NOL10: variants seen among roughly 807,000 people sequenced by gnomAD.
NOL10 encodes nucleolar protein 10, also known as H_NH0074G24.1.
NOL10 carries 58 observed loss-of-function variants against 103.5 expected under a neutral mutation model. The observed-to-expected ratio is 0.56, with a 90% CI of 0.45 to 0.70. The LOEUF is 0.70. Ranked by LOEUF, NOL10 falls within the 30% of genes least tolerant of loss-of-function variation. NOL10 has a pLI of 0.00. For synonymous variants in NOL10, 287 were observed against 282.5 expected (o/e 1.02, Z -0.16); for missense variants, 763 against 807.3 (o/e 0.95, Z 0.67).
At chr2:10,673,367 A>G (rs1681078679) in intron 5 of NOL10, 153 bp downstream of exon 5, 1 of 456,924 alleles carries the variant, frequency 2.2e-6, no homozygotes, top group South Asian at 6.9e-5. Flanking sequence ...GATGGGTTAC[A>G]TTTTACTACA....
At chr2:10,658,072 A>G (rs1299248040) in intron 10 of NOL10, among the ~76,000 whole-genome samples, 181 bp from the exon 11 acceptor site, 6 of 152,252 alleles carry the variant, frequency 3.9e-5, no homozygotes, top group Non-Finnish European at 8.8e-5. Context: ...TAATCCTTAG[A>G]GTATACATTT....
intron 13 of NOL10, among the ~76,000 whole-genome samples, chr2:10,615,468 G>A (rs1020491008): frequency 1.3e-5 from 2 of 152,190 alleles, no homozygotes; most frequent in Non-Finnish European, 2.9e-5. Flanking sequence ...TCAAGGGCTA[G>A]CAGAGACAGG....
At chr2:10,649,406 C>T (rs1267650023) in intron 12 of NOL10, among the ~76,000 whole-genome samples, 2 of 146,884 alleles carry the variant, frequency 1.4e-5, no homozygotes, top group East Asian at 2.0e-4. Context: ...CTGCAACCTC[C>T]GCCTCCTGGT....
intron 3 of NOL10, 62 bp from the exon 4 acceptor site, chr2:10,675,933 T>C (rs945731114): frequency 6.1e-6 from 5 of 818,986 alleles, no homozygotes; most frequent in Admixed American, 5.4e-5. Flanking sequence ...AACATCCAGA[T>C]ACATTGAGTG....
intron 8 of NOL10, among the ~76,000 whole-genome samples, chr2:10,666,953 A>C (rs1572409477): frequency 6.6e-6 from 1 of 152,180 alleles, no homozygotes; most frequent in East Asian, 1.9e-4. Flanking sequence ...AACTATGAGT[A>C]TTTATCATTA....
intron 3 of NOL10, 136 bp downstream of exon 3, chr2:10,681,830 TTACTA>T (rs907613279): frequency 1.0e-5 from 4 of 393,774 alleles, no homozygotes; most frequent in African/African-American, 4.2e-5. Context: ...AAATGGGTGT[TTACTA>T]TACAATTTTT....
At chr2:10,594,328 T>C (rs1301025076) in intron 17 of NOL10, among the ~76,000 whole-genome samples, 1 of 152,218 alleles carries the variant, frequency 6.6e-6, no homozygotes, top group Non-Finnish European at 1.5e-5. Context: ...ATTGACTGAC[T>C]GCTTGCCTAG....
chr2:10,616,625 C>T (rs915541084), intron 13 of NOL10, among the ~76,000 whole-genome samples: 4 of 151,950 alleles, frequency 2.6e-5, no homozygotes, highest in Non-Finnish European at 4.4e-5. Context: ...CTCAGCTCAC[C>T]GCCACCTCAA....
chr2:10,623,272 AC>A (rs1249333205), intron 13 of NOL10, among the ~76,000 whole-genome samples: 2 of 152,110 alleles, frequency 1.3e-5, no homozygotes, highest in South Asian at 4.2e-4. Context: ...CTCCAGTCTT[AC>A]CGGAGAAGTA....
At chr2:10,626,145 C>T (rs1677449856) in intron 13 of NOL10, among the ~76,000 whole-genome samples, 1 of 152,086 alleles carries the variant, frequency 6.6e-6, no homozygotes. Context: ...CACACCACTG[C>T]ACTCCAGCCT....
Position 10,572,163 on chromosome 2 carries a change from C to G in NOL10, c.1975G>C (p.Ala659Pro). 6.2e-7 allele frequency: 1 copy of G among 1,613,946 alleles called. No individual in the cohort carries two copies. The highest frequency in any genetic ancestry group is 1.1e-5 in the South Asian group (1 of 91,072). Residue 659 changes from alanine to proline, a missense_variant, in exon 21 of 21, where the codon GCT becomes CCT. Physicochemically the swap from Ala to Pro is conservative, Grantham distance 27. Coordinates refer to ENST00000381685, the MANE Select transcript of NOL10 (RefSeq NM_024894.4). ...RSEQQKKQQE[A>P]EKLHRQERKR... ...CTTTCTTGTCGATGCAGTTTCTCAG[C>G]CTCCTGTTGCTTCTTCTGCTGTTCA...
At chr2:10,574,529 C>T (rs1037488878) in intron 20 of NOL10, among the ~76,000 whole-genome samples, 6 of 151,990 alleles carry the variant, frequency 3.9e-5, no homozygotes, top group Non-Finnish European at 8.8e-5. Flanking sequence ...TGCCTGTAGT[C>T]CCAGCTACTC....
Position 10,602,829 on chromosome 2 carries a change from C to CT in NOL10, c.1278dup (p.Asp427ArgfsTer2), listed in dbSNP as rs1676049557. On this transcript the variant is annotated frameshift_variant, in exon 16 of 21. Transcript: ENST00000381685. LOFTEE classifies it high-confidence loss of function. ...TCTTCTATTTTCTGTCGTATTTTAT[C>CT]TTTCCTATATTCTTCATAAGCAAAT... The CT allele has an allele frequency of 6.2e-7, 1 of 1,611,020 alleles. No individual in the cohort carries two copies. The highest frequency in any genetic ancestry group is 1.3e-5 in the African/African-American group (1 of 74,970).
At chr2:10,663,915 C>T (rs1455324222) in intron 8 of NOL10, among the ~76,000 whole-genome samples, 1 of 150,216 alleles carries the variant, frequency 6.7e-6, no homozygotes, top group African/African-American at 2.5e-5. Context: ...CGCACCACTG[C>T]ACTCCAGCCT....
intron 17 of NOL10, among the ~76,000 whole-genome samples, chr2:10,595,483 G>C (rs62127163): frequency 0.25 from 37,703 of 152,010 alleles, 6,521 homozygotes; most frequent in African/African-American, 0.45. Context: ...GTTTTGTAGA[G>C]ATGCGGTTTC....
rs149190852 is a variant in NOL10, at chr2:10,624,491, C to T, written c.1027-17180G>A. On this transcript the variant is annotated intron_variant, in intron 13 of 20. Coordinates refer to ENST00000381685, the MANE Select transcript of NOL10 (RefSeq NM_024894.4). ...TTCTACTGAAAGCCATTGTACACAG[C>T]GATAGGAAGACATGCCATAGATTAA... 1.8e-3 allele frequency among the ~76,000 whole-genome samples: 280 copies of T among 151,464 alleles called. 1 individual carries two copies. The East Asian group carries it at 0.031, about 17-fold the overall frequency.
chr2:10,587,112 T>TATATAC (rs1553296110), intron 19 of NOL10, among the ~76,000 whole-genome samples: 1 of 40,680 alleles, frequency 2.5e-5, no homozygotes, highest in Non-Finnish European at 4.3e-5. Context: ...TATATATACA[T>TATATAC]ATATATACAT....
intron 12 of NOL10, among the ~76,000 whole-genome samples, chr2:10,648,757 C>A (rs527266510): frequency 2.0e-5 from 3 of 151,824 alleles, no homozygotes; most frequent in African/African-American, 7.3e-5. Flanking sequence ...TCAAGTTAAA[C>A]AACATCACGA....
intron 7 of NOL10, among the ~76,000 whole-genome samples, chr2:10,667,911 G>A (rs1680660729): frequency 1.3e-5 from 2 of 152,048 alleles, no homozygotes; most frequent in Admixed American, 1.3e-4. Context: ...ATCACAACAT[G>A]TTCACCTAAC....
Sources: gnomAD v4.1 joint callset for allele counts (sites outside exome capture counted in the v4.1 genomes callset) on GRCh38, gnomAD v4.1.1 for gene constraint, MANE v1.5 for transcripts, NCBI Gene and HGNC (gene_info 2026-07-23, HGNC 2026-07-21) for gene names.